UBXN2A: variants seen among roughly 807,000 people sequenced by gnomAD.
UBXN2A encodes UBX domain protein 2A, also known as UBX domain-containing protein 2A.
UBXN2A carries 28 observed loss-of-function variants against 28.4 expected under a neutral mutation model. That is an observed-to-expected ratio of 0.99 (90% confidence interval 0.73 to 1.35). The LOEUF (loss-of-function observed/expected upper bound fraction) is 1.35, where lower values mean the gene tolerates loss of function less well. UBXN2A is among the 40% of genes most tolerant of loss of function. UBXN2A has a pLI of 0.00. For missense variants in UBXN2A, 253 were observed against 297.9 expected (o/e 0.85, Z 1.11); for synonymous variants, 97 against 103.6 (o/e 0.94, Z 0.39).
intron 2 of UBXN2A, among the ~76,000 whole-genome samples, chr2:23,959,450 C>T (rs962817779): frequency 2.6e-5 from 4 of 152,088 alleles, no homozygotes; most frequent in African/African-American, 9.7e-5. Flanking sequence ...CAAGACCGCA[C>T]CACTGCACTC....
At chr2:23,996,501 A>C (rs1708538328) in intron 6 of UBXN2A, among the ~76,000 whole-genome samples, 1 of 129,614 alleles carries the variant, frequency 7.7e-6, no homozygotes, top group Non-Finnish European at 1.6e-5. Flanking sequence ...TTTAAGATAG[A>C]GTTTCGCTCT....
chr2:23,962,574 A>C (rs952944171), intron 2 of UBXN2A, among the ~76,000 whole-genome samples: 13 of 151,918 alleles, frequency 8.6e-5, no homozygotes, highest in Admixed American at 2.6e-4. Flanking sequence ...CAATTTACAA[A>C]AGTAAGAGGT....
intron 1 of UBXN2A, among the ~76,000 whole-genome samples, chr2:23,945,923 C>T (rs986024130): frequency 1.3e-5 from 2 of 151,540 alleles, no homozygotes; most frequent in Non-Finnish European, 2.9e-5. Context: ...CTCTGCCTCC[C>T]AGGTTCAAGC....
intron 1 of UBXN2A, chr2:23,944,466 T>A (rs1487031503): frequency 2.8e-6 from 2 of 716,672 alleles, no homozygotes; most frequent in Non-Finnish European, 2.5e-6. Flanking sequence ...TAGATTCTTT[T>A]GCGCTTTCAG....
Position 24,000,082 on chromosome 2 carries a change from C to A in UBXN2A, c.*215C>A. 2.0e-6 allele frequency: 1 copy of A among 494,628 alleles called. No individual in the cohort carries two copies. 30.6% of individuals were successfully genotyped at this position (494,628 alleles called of 1,614,324 possible). ...CAGTGCACTTTCTCCAAAAGACTAC[C>A]CAGAAAAATAGACTTATTTTCAAAT... On this transcript the variant is annotated 3_prime_UTR_variant, in exon 7 of 7. Coordinates refer to ENST00000309033, the MANE Select transcript of UBXN2A (RefSeq NM_181713.4).
At chr2:23,996,461 TTTTTTC>T (rs1237664095) in intron 6 of UBXN2A, among the ~76,000 whole-genome samples, 7 of 151,456 alleles carry the variant, frequency 4.6e-5, no homozygotes, top group East Asian at 3.9e-4. Flanking sequence ...TTCTGTTTTC[TTTTTTC>T]TTTTTCTTTT....
intron 1 of UBXN2A, among the ~76,000 whole-genome samples, chr2:23,930,089 C>T (rs1705323917): frequency 2.0e-5 from 3 of 152,088 alleles, no homozygotes; most frequent in Non-Finnish European, 2.9e-5. Context: ...GAGGTTTCAC[C>T]GTATTAGCCA....
intron 3 of UBXN2A, 24 bp from the exon 4 acceptor site, chr2:23,976,945 A>G: frequency 1.9e-6 from 3 of 1,568,426 alleles, no homozygotes; most frequent in Non-Finnish European, 2.6e-6. Flanking sequence ...AACATGACGC[A>G]TTTTGTTTCC....
chr2:23,951,458 A>C (rs1357028360), intron 1 of UBXN2A, among the ~76,000 whole-genome samples: 2 of 81,360 alleles, frequency 2.5e-5, no homozygotes, highest in Non-Finnish European at 5.2e-5. Flanking sequence ...ATATATATAT[A>C]TATATAGTTT....
At chr2:23,983,437 G>A (rs1707995417) in intron 5 of UBXN2A, among the ~76,000 whole-genome samples, 1 of 152,066 alleles carries the variant, frequency 6.6e-6, no homozygotes, top group South Asian at 2.1e-4. Context: ...AACCTGGGAG[G>A]CAGAGATTGC....
intron 4 of UBXN2A, among the ~76,000 whole-genome samples, chr2:23,978,366 G>A (rs185250137): frequency 1.6e-3 from 248 of 152,220 alleles, no homozygotes; most frequent in Non-Finnish European, 2.5e-3. Flanking sequence ...AGAATCTGCC[G>A]GGCACAGTGG....
At chr2:23,998,605 A>G (rs56053667) in intron 6 of UBXN2A, among the ~76,000 whole-genome samples, 19,149 of 152,160 alleles carry the variant, frequency 0.13, 1,295 homozygotes, top group Middle Eastern at 0.22. Context: ...CTATAATCCC[A>G]GCTACTAGGG....
At chr2:23,948,046 G>C (rs939530086) in intron 1 of UBXN2A, among the ~76,000 whole-genome samples, 2 of 151,776 alleles carry the variant, frequency 1.3e-5, no homozygotes, top group Non-Finnish European at 2.9e-5. Flanking sequence ...ATAGAGACAG[G>C]GTTTCATCAT....
chr2:23,976,463 G>A (rs1157691283), intron 3 of UBXN2A, among the ~76,000 whole-genome samples: 1 of 152,136 alleles, frequency 6.6e-6, no homozygotes, highest in African/African-American at 2.4e-5. Context: ...AGACATACCC[G>A]AGACTGGGAA....
intron 3 of UBXN2A, among the ~76,000 whole-genome samples, chr2:23,973,224 T>C (rs1347548365): frequency 6.6e-6 from 1 of 152,132 alleles, no homozygotes; most frequent in African/African-American, 2.4e-5. Flanking sequence ...TTTCATCATG[T>C]TGGTCAGGCT....
At chr2:23,987,861 C>G (rs917767992) in intron 6 of UBXN2A, among the ~76,000 whole-genome samples, 1 of 151,534 alleles carries the variant, frequency 6.6e-6, no homozygotes, top group Non-Finnish European at 1.5e-5. Context: ...CAGTGGCTCA[C>G]GCCTATAATC....
chr2:23,934,467 T>G (rs563776592), intron 1 of UBXN2A, among the ~76,000 whole-genome samples: 1 of 152,284 alleles, frequency 6.6e-6, no homozygotes, highest in Non-Finnish European at 1.5e-5. Flanking sequence ...TGCTCAAAGA[T>G]GCTCACTTGG....
intron 1 of UBXN2A, among the ~76,000 whole-genome samples, chr2:23,951,109 A>G (rs1181278851): frequency 6.6e-6 from 1 of 152,054 alleles, no homozygotes; most frequent in Non-Finnish European, 1.5e-5. Flanking sequence ...AATACTTAAC[A>G]TTTCTTTGTT....
At chr2:23,935,252 T>C (rs993857369) in intron 1 of UBXN2A, among the ~76,000 whole-genome samples, 1 of 152,318 alleles carries the variant, frequency 6.6e-6, no homozygotes, top group African/African-American at 2.4e-5. Context: ...TTTAAACTTC[T>C]GTATCAAAGG....
Sources: gnomAD v4.1 joint callset for allele counts (sites outside exome capture counted in the v4.1 genomes callset) on GRCh38, gnomAD v4.1.1 for gene constraint, MANE v1.5 for transcripts, NCBI Gene and HGNC (gene_info 2026-07-23, HGNC 2026-07-21) for gene names.